Variants in CIMIP5 observed in about 807,000 individuals in gnomAD.
CIMIP5 encodes ciliary microtubule inner protein 5.
At chr2:11,154,137 C>A in the CIMIP5 span, among the ~76,000 whole-genome samples, 1 of 151,948 alleles carries the variant, frequency 6.6e-6, no homozygotes, top group Non-Finnish European at 1.5e-5. Flanking sequence ...CCACCACGCT[C>A]GGCTAATTTT....
chr2:11,140,464 A>G, the CIMIP5 span: 15 of 1,459,406 alleles, frequency 1.0e-5, no homozygotes, highest in Non-Finnish European at 1.4e-5. Context: ...ATTGGTAAAA[A>G]TGTCCTGGAA....
At chr2:11,144,102 G>T in the CIMIP5 span, 1 of 1,589,448 alleles carries the variant, frequency 6.3e-7, no homozygotes, top group Non-Finnish European at 8.6e-7. Context: ...ACCAGATGCA[G>T]CCCATCTAGG....
At chr2:11,146,393 C>T in the CIMIP5 span, 1 of 152,158 alleles carries the variant, frequency 6.6e-6, no homozygotes, top group African/African-American at 2.4e-5. Context: ...CTTTAATCCT[C>T]AATGAATTGA....
chr2:11,148,818 T>G, the CIMIP5 span, among the ~76,000 whole-genome samples: 2 of 146,818 alleles, frequency 1.4e-5, no homozygotes, highest in African/African-American at 2.6e-5. Context: ...CACTGCAACC[T>G]TCGCCTCCTG....
chr2:11,144,110 A>T, the CIMIP5 span: 1 of 1,574,570 alleles, frequency 6.4e-7, no homozygotes, highest in Non-Finnish European at 8.6e-7. Flanking sequence ...CAGCCCATCT[A>T]GGAGCAAGGA....
chr2:11,139,311 A>G, the CIMIP5 span, among the ~76,000 whole-genome samples: 1 of 152,254 alleles, frequency 6.6e-6, no homozygotes, highest in Non-Finnish European at 1.5e-5. Context: ...ATTTCAAAAT[A>G]TGGATGCAAA....
chr2:11,148,279 G>A, the CIMIP5 span, among the ~76,000 whole-genome samples: 94 of 152,032 alleles, frequency 6.2e-4, no homozygotes, highest in East Asian at 0.016. Context: ...CACCACACCC[G>A]GCTAATTTTG....
chr2:11,149,805 C>T, the CIMIP5 span, among the ~76,000 whole-genome samples: 597 of 152,198 alleles, frequency 3.9e-3, 5 homozygotes, highest in African/African-American at 0.013. Context: ...GCCCGTGATC[C>T]TTGACTGGAT....
the CIMIP5 span, among the ~76,000 whole-genome samples, chr2:11,135,029 G>GA: frequency 6.6e-6 from 1 of 152,132 alleles, no homozygotes; most frequent in Non-Finnish European, 1.5e-5. Context: ...GAGACAGAGA[G>GA]AGAGGAGGTG....
the CIMIP5 span, among the ~76,000 whole-genome samples, chr2:11,136,805 C>T: frequency 6.6e-6 from 1 of 152,290 alleles, no homozygotes; most frequent in African/African-American, 2.4e-5. Flanking sequence ...GCATTGGCCC[C>T]AGCGATGTGA....
the CIMIP5 span, among the ~76,000 whole-genome samples, chr2:11,134,130 TC>T: frequency 2.6e-5 from 4 of 152,064 alleles, no homozygotes; most frequent in South Asian, 8.3e-4. Context: ...AGGAAACAGT[TC>T]AGGGTCGGGG....
chr2:11,154,138 G>GACTGGGGATGGAAGTTTTTAAA, the CIMIP5 span, among the ~76,000 whole-genome samples: 1 of 151,894 alleles, frequency 6.6e-6, no homozygotes, highest in Non-Finnish European at 1.5e-5. Flanking sequence ...CACCACGCTC[G>GACTGGGGATGGAAGTTTTTAAA]GCTAATTTTT....
the CIMIP5 span, among the ~76,000 whole-genome samples, chr2:11,153,449 C>A: frequency 6.6e-6 from 1 of 152,222 alleles, no homozygotes; most frequent in East Asian, 1.9e-4. Context: ...TGGCCAACCC[C>A]TGGAATAAAG....
the CIMIP5 span, chr2:11,146,497 A>AT: frequency 6.6e-6 from 1 of 152,232 alleles, no homozygotes; most frequent in Non-Finnish European, 1.5e-5. Flanking sequence ...AATCTCTGGG[A>AT]TCCCTACTAC....
chr2:11,140,953 C>T, the CIMIP5 span, among the ~76,000 whole-genome samples: 1 of 152,170 alleles, frequency 6.6e-6, no homozygotes, highest in East Asian at 1.9e-4. Flanking sequence ...CCATCCTCCA[C>T]ATTGCCACCA....
chr2:11,142,003 C>T, the CIMIP5 span, among the ~76,000 whole-genome samples: 1 of 151,952 alleles, frequency 6.6e-6, no homozygotes, highest in African/African-American at 2.4e-5. Flanking sequence ...CGGTGGCTCA[C>T]GCCTGTAATC....
the CIMIP5 span, among the ~76,000 whole-genome samples, chr2:11,152,035 G>A: frequency 6.6e-6 from 1 of 152,250 alleles, no homozygotes; most frequent in Non-Finnish European, 1.5e-5. Flanking sequence ...GGGTCGAAGT[G>A]AAGTTTTCTC....
At chr2:11,146,431 T>C in the CIMIP5 span, 1 of 152,280 alleles carries the variant, frequency 6.6e-6, no homozygotes, top group East Asian at 1.9e-4. Flanking sequence ...AATTACAGGA[T>C]TTTTCTGCTT....
At chr2:11,133,469 C>A in the CIMIP5 span, 1 of 1,608,438 alleles carries the variant, frequency 6.2e-7, no homozygotes, top group Non-Finnish European at 8.5e-7. Context: ...TTGCTGGTGG[C>A]TGCCAGGCCC....
Sources: allele counts gnomAD v4.1 joint callset (sites outside exome capture counted in the v4.1 genomes callset), GRCh38; gene constraint gnomAD v4.1.1; transcripts MANE v1.5; gene names NCBI Gene and HGNC (gene_info 2026-07-23, HGNC 2026-07-21).